The following ATG2A variants were observed in gnomAD, a reference collection of about 807,000 sequenced individuals.
The protein encoded by ATG2A is autophagy related 2A, also known as autophagy-related protein 2 homolog A.
Under a neutral mutation model 214.2 loss-of-function variants are expected in ATG2A, and 103 were observed. That is an observed-to-expected ratio of 0.48 (90% CI 0.41 to 0.57). The LOEUF is 0.57. ATG2A is among the 20% of genes least tolerant of loss of function. The pLI is 0.00. For missense variants in ATG2A, 2,312 were observed against 2,613.2 expected (o/e 0.88, Z 2.51); for synonymous variants, 1,160 against 1,142.1 (o/e 1.02, Z -0.32).
chr11:64,913,916 C>A lies in ATG2A; in HGVS notation c.495G>T (p.Arg165=), dbSNP rs1395766445. Residue 165 remains arginine, a synonymous_variant, in exon 4 of 41, where the codon CGG becomes CGT. Transcript: ENST00000377264. The surrounding 1 kb of genome is among the most constrained non-coding windows in gnomAD (Gnocchi z 4.3). ...MFAQTIETVL[R]RIKVTFLDTV... ...TGTCCAGGAAGGTCACTTTGATCCT[C>A]CGAAGCACTGAGGAGTTGGGGAGGG... 1 of 1,613,878 alleles carries A rather than the reference C, an allele frequency of 6.2e-7. No individual in the cohort carries two copies. Among genetic ancestry groups the A allele is most frequent in the African/African-American group, 1.3e-5 (1 of 74,930 alleles).
At position 64,914,184 on chromosome 11, in the gene ATG2A, G is replaced by A. The variant is rs770955844; in HGVS notation, c.384C>T (p.Ser128=). ...GCAGACACTCCTGGGCCAGCTGCAG[G>A]CTTGTGGTCATGCATGAGGCCCAGC... The part of the protein sequence containing the change: ...SQSWASCMTT[S]LQLAQECLRD... The change falls in exon 3 of 41, where the codon AGC becomes AGT. Residue 128 remains serine, a synonymous_variant. Transcript: ENST00000377264. The A allele has an allele frequency of 5.8e-6, 9 of 1,553,406 alleles. No individual in the cohort carries two copies. The highest frequency in any genetic ancestry group is 7.8e-6 in the Non-Finnish European group (9 of 1,148,412).
Position 64,898,114 on chromosome 11 carries a change from G to T in ATG2A, c.4830C>A (p.Pro1610=). Residue 1610 remains proline (P), a synonymous_variant, in exon 34 of 41, where the codon CCC becomes CCA. Transcript: ENST00000377264. This position sits in a 1 kb window ranked among gnomAD's most constrained non-coding sequence, Gnocchi z 4.5. ...CAGCGGAGGTCTCCCCTGGGACCAC[G>T]GGGTTGATGCCGGCCACCAGACTAG... The part of the protein sequence containing the change: ...FFTSLVAGIN[P]VVPGETSAEA... The T allele has an allele frequency of 1.9e-6, 3 of 1,614,110 alleles. No homozygotes were observed. Among genetic ancestry groups the T allele is most frequent in the Non-Finnish European group, 2.5e-6 (3 of 1,180,012 alleles).
In ATG2A at chr11:64,906,818, G is replaced by A. The variant is rs1203940988; in HGVS notation, c.2833-3C>T. On this transcript the variant is annotated splice_polypyrimidine_tract_variant and splice_region_variant and intron_variant, in intron 19 of 40. Transcript: ENST00000377264. ...TCCAGCCGCTTCCCACCCTCATCCT[G>A]CAGAAGGAGCACACAGCCTGGCTTC... The A allele has an allele frequency of 6.2e-7, 1 of 1,611,894 alleles. No individual in the cohort carries two copies. Among genetic ancestry groups the A allele is most frequent in the African/African-American group, 1.3e-5 (1 of 74,998 alleles).
At chr11:64,902,475 G>A (rs1565747624) in intron 27 of ATG2A, 41 bp downstream of exon 27, 1 of 1,532,382 alleles carries the variant, frequency 6.5e-7, no homozygotes, top group Non-Finnish European at 8.8e-7. Flanking sequence ...GAGGGGCCTG[G>A]CCGAGCTCTG....
Position 64,898,527 on chromosome 11 carries a change from G to T in ATG2A, c.4671+109C>A. The T allele has an allele frequency of 7.1e-7, 1 of 1,412,182 alleles. No homozygotes were observed. The highest frequency in any genetic ancestry group is 2.4e-5 in the East Asian group (1 of 41,764). 87.5% of individuals were successfully genotyped at this position (1,412,182 alleles called of 1,614,324 possible). A position where few individuals can be genotyped will look rare whatever the true frequency, so the allele number is the denominator to read the frequency against. ...TTCTCCCAGGCTCACAAACAACCTG[G>T]GTGTTTGTGTGGGAATGCGTGTATG... On this transcript the variant is annotated intron_variant, in intron 32 of 40. Transcript: ENST00000377264. The surrounding 1 kb of genome is among the most constrained non-coding windows in gnomAD (Gnocchi z 4.5).
Position 64,910,087 on chromosome 11 carries a change from G to A in ATG2A, c.1816C>T (p.Leu606=). ...ELGALDRLAA[L]LRLATVPAEP... is the part of the protein sequence containing the mutation. ...GCAGGTACGGTGGCCAGGCGCAGTA[G>A]GGCGGCCAGCCGGTCCAGGGCCCCC... The change falls in exon 13 of 41, where the codon CTA becomes TTA. Residue 606 remains leucine, a synonymous_variant. Coordinates refer to ENST00000377264, the MANE Select transcript of ATG2A (RefSeq NM_015104.3). 1 of 1,608,612 alleles carries A rather than the reference G, an allele frequency of 6.2e-7. No individual in the cohort carries two copies.
chr11:64,896,626 A>C lies in ATG2A; in HGVS notation c.5273-10T>G, dbSNP rs1395257870. The C allele has an allele frequency of 1.9e-6, 3 of 1,611,996 alleles. No individual in the cohort carries two copies. The African/African-American group carries it at 4.0e-5, about 22-fold the overall frequency. On this transcript the variant is annotated splice_polypyrimidine_tract_variant and intron_variant, in intron 38 of 40. Coordinates refer to ENST00000377264, the MANE Select transcript of ATG2A (RefSeq NM_015104.3). ...TCCCGGAACCCTTGGACTAGGGGGAAGGAGCGCTCAGAGACACCCGAGGCT... is the reference window on the plus strand; with the variant it reads ...TCCCGGAACCCTTGGACTAGGGGGACGGAGCGCTCAGAGACACCCGAGGCT...
chr11:64,916,850 C>G (rs1376273141), intron 1 of ATG2A, 115 bp downstream of exon 1: 51 of 1,437,048 alleles, frequency 3.5e-5, no homozygotes, highest in Non-Finnish European at 4.4e-5. Flanking sequence ...GGCAAGATTC[C>G]CCTGGCCTCT....
At position 64,913,426 on chromosome 11, in the gene ATG2A, GC is replaced by G; in HGVS notation, c.591-26del. ...TCTGGAGAGTGTAGGGTCAGCCCGT[GC>G]CCTGGCCACCCCAGGCCTGGAGCCC... On this transcript the variant is annotated intron_variant, in intron 4 of 40. Coordinates refer to ENST00000377264, the MANE Select transcript of ATG2A (RefSeq NM_015104.3). This position sits in a 1 kb window ranked among gnomAD's most constrained non-coding sequence, Gnocchi z 4.3. 1 of 1,545,850 alleles carries G rather than the reference GC, an allele frequency of 6.5e-7. No homozygotes were observed. The highest frequency in any genetic ancestry group is 8.8e-7 in the Non-Finnish European group (1 of 1,142,840).
intron 3 of ATG2A, 58 bp downstream of exon 3, chr11:64,914,023 C>T: frequency 6.4e-7 from 1 of 1,550,760 alleles, no homozygotes; most frequent in Non-Finnish European, 8.7e-7. Context: ...GTCTGGAGCC[C>T]CTGTTCTGTG....
chr11:64,909,263 C>T lies in ATG2A; in HGVS notation c.2204+8G>A. On this transcript the variant is annotated splice_region_variant and intron_variant, in intron 15 of 40. Coordinates refer to ENST00000377264, the MANE Select transcript of ATG2A (RefSeq NM_015104.3). ...CTCTCCTGGGCCCAGTCCAGAGCCC[C>T]TACTTACTGGGGCAGGAAGTACTTG... 4.3e-6 allele frequency: 7 copies of T among 1,613,512 alleles called. No homozygotes were observed. The highest frequency in any genetic ancestry group is 5.9e-6 in the Non-Finnish European group (7 of 1,179,910).
rs114197443 is a variant in ATG2A, at chr11:64,913,797, C to T, written c.590+24G>A. The stretch of plus-strand genomic sequence containing the variant: ...CCCACTCCCCATCTTCACACCAGTC[C>T]ACCCCAGATCGGCCTGCCCTTACCT... On this transcript the variant is annotated intron_variant, in intron 4 of 40. Coordinates refer to ENST00000377264, the MANE Select transcript of ATG2A (RefSeq NM_015104.3). The surrounding 1 kb of genome is among the most constrained non-coding windows in gnomAD (Gnocchi z 4.3). The T allele has an allele frequency of 3.3e-3, 5,344 of 1,607,200 alleles. 156 individuals carry two copies. In the African/African-American group the frequency reaches 0.06, roughly 18 times the overall value.
rs1053761738 is a variant in ATG2A, at chr11:64,913,618, C to T, written c.590+203G>A. 5.1e-5 allele frequency: 41 copies of T among 800,736 alleles called. No homozygotes were observed. Among genetic ancestry groups the T allele is most frequent in the Non-Finnish European group, 6.0e-5 (31 of 519,310 alleles). The allele number at this position is 800,736 out of a possible 1,614,324, so 49.6% of individuals were successfully genotyped here. A position where few individuals can be genotyped will look rare whatever the true frequency, so the allele number is the denominator to read the frequency against. ...GCATCTAACTTGGTTCTTGGGGCCTCGGCCACTCTGGGCCTGTATCACCTG... is the reference window on the plus strand; with the variant it reads ...GCATCTAACTTGGTTCTTGGGGCCTTGGCCACTCTGGGCCTGTATCACCTG... On this transcript the variant is annotated intron_variant, in intron 4 of 40. Transcript: ENST00000377264. The surrounding 1 kb of genome is among the most constrained non-coding windows in gnomAD (Gnocchi z 4.3).
chr11:64,895,076 G>A lies in ATG2A; in HGVS notation c.5714C>T (p.Thr1905Met), dbSNP rs751327728. 42 of 1,612,780 alleles carry A rather than the reference G, an allele frequency of 2.6e-5. No homozygotes were observed. Among genetic ancestry groups the A allele is most frequent in the African/African-American group, 1.2e-4 (9 of 74,928 alleles). ...PTVVKPLILA[T>M]EATSSLLGGM... ...CCCGAGCAGGCTGGACGTGGCCTCCGTGGCCAGGATGAGCGGCTTCACCAC... is the reference window on the plus strand; with the variant it reads ...CCCGAGCAGGCTGGACGTGGCCTCCATGGCCAGGATGAGCGGCTTCACCAC... The change falls in exon 41 of 41, where the codon ACG becomes ATG. Residue 1905 changes from threonine to methionine, a missense_variant. Transcript: ENST00000377264. The surrounding 1 kb of genome is among the most constrained non-coding windows in gnomAD (Gnocchi z 5.0).
Position 64,910,604 on chromosome 11 carries a change from C to G in ATG2A, c.1707+12G>C. 1.3e-6 allele frequency: 2 copies of G among 1,588,080 alleles called. No individual in the cohort carries two copies. Among genetic ancestry groups the G allele is most frequent in the Non-Finnish European group, 1.7e-6 (2 of 1,168,520 alleles). On this transcript the variant is annotated intron_variant, in intron 12 of 40. Coordinates refer to ENST00000377264, the MANE Select transcript of ATG2A (RefSeq NM_015104.3). Reference sequence around the variant, plus strand: ...ATGGGGACAGCCTGGTGGCCTGGAGCGGGTGGGTTACCTTAGGCACACGGC... The same window carrying G: ...ATGGGGACAGCCTGGTGGCCTGGAGGGGGTGGGTTACCTTAGGCACACGGC...
In ATG2A at chr11:64,915,453, G is replaced by C. The variant is rs188954228; in HGVS notation, c.172-953C>G. On this transcript the variant is annotated intron_variant, in intron 1 of 40. Transcript: ENST00000377264. The stretch of plus-strand genomic sequence containing the variant: ...ATCTAGTCACCCAGTATACAACAGG[G>C]ACTGAGACTGGGATGCGGGCCTCTT... Among the ~76,000 whole-genome samples, 271 of 152,170 alleles carry C rather than the reference G, an allele frequency of 1.8e-3. 1 individual carries two copies. The highest frequency in any genetic ancestry group is 6.8e-3 in the Middle Eastern group (2 of 294).
At chr11:64,897,629 A>G in intron 36 of ATG2A, 42 bp downstream of exon 36, 1 of 1,612,922 alleles carries the variant, frequency 6.2e-7, no homozygotes, top group South Asian at 1.1e-5. Context: ...ACTCAGCCAC[A>G]GCTGACCCCA....
Position 64,898,606 on chromosome 11 carries a change from C to CCCAG in ATG2A, c.4671+26_4671+29dup. 1 of 1,604,560 alleles carries CCCAG rather than the reference C, an allele frequency of 6.2e-7. No individual in the cohort carries two copies. The highest frequency in any genetic ancestry group is 1.1e-5 in the South Asian group (1 of 90,924). On this transcript the variant is annotated intron_variant, in intron 32 of 40. Coordinates refer to ENST00000377264, the MANE Select transcript of ATG2A (RefSeq NM_015104.3). This position sits in a 1 kb window ranked among gnomAD's most constrained non-coding sequence, Gnocchi z 4.5. Reference sequence around the variant, plus strand: ...TATCCCCAACGGTCTGGTGCCCTGCCCCAGGGTGGATGGTGCAGGTCGCTC... The same window carrying CCCAG: ...TATCCCCAACGGTCTGGTGCCCTGCCCCAGCCAGGGTGGATGGTGCAGGTCGCTC...
chr11:64,908,880 A>G, intron 16 of ATG2A, 111 bp downstream of exon 16: 2 of 1,271,940 alleles, frequency 1.6e-6, no homozygotes, highest in African/African-American at 3.0e-5. Context: ...GCTCATGCCC[A>G]CCCCAGGTGG....
Sources: allele counts gnomAD v4.1 joint callset (sites outside exome capture counted in the v4.1 genomes callset), GRCh38; gene constraint gnomAD v4.1.1; non-coding constraint Gnocchi (gnomAD v3.1); transcripts MANE v1.5; gene names NCBI Gene and HGNC (gene_info 2026-07-23, HGNC 2026-07-21).